ATP8A2: variants seen among roughly 807,000 people sequenced by gnomAD.
ATP8A2 encodes the protein ATPase phospholipid transporting 8A2, also known as phospholipid-transporting ATPase IB.
In ATP8A2, 100 loss-of-function variants were observed where a neutral mutation model predicts 165.6. The ratio of observed to expected loss-of-function variants is 0.60; its 90% CI spans 0.51 to 0.71. The LOEUF is 0.71. Ranked by LOEUF, ATP8A2 falls within the 30% of genes least tolerant of loss-of-function variation. The pLI, the probability that ATP8A2 is intolerant of heterozygous loss-of-function variation, is 0.00. For missense variants in ATP8A2, 1,227 were observed against 1,479.5 expected (o/e 0.83, Z 2.80); for synonymous variants, 543 against 548.8 (o/e 0.99, Z 0.15).
intron 32 of ATP8A2, among the ~76,000 whole-genome samples, chr13:25,861,976 A>G (rs74506195): frequency 0.013 from 1,909 of 152,310 alleles, 37 homozygotes; most frequent in African/African-American, 0.044. Context: ...CTTGTTGTAT[A>G]CAGCCGCAGG....
chr13:25,857,728 GCC>G (rs1952214794), intron 30 of ATP8A2, among the ~76,000 whole-genome samples: 1 of 151,816 alleles, frequency 6.6e-6, no homozygotes, highest in Non-Finnish European at 1.5e-5. Context: ...GTGCCATCAT[GCC>G]CAGTTAATTT....
intron 2 of ATP8A2, among the ~76,000 whole-genome samples, chr13:25,505,979 G>A (rs1314680881): frequency 6.6e-6 from 1 of 151,458 alleles, no homozygotes; most frequent in South Asian, 2.1e-4. Flanking sequence ...GTGTGGAAAG[G>A]TCAAGCAGCT....
At chr13:25,643,961 G>T (rs2041604931) in intron 24 of ATP8A2, among the ~76,000 whole-genome samples, 2 of 142,416 alleles carry the variant, frequency 1.4e-5, no homozygotes, top group African/African-American at 5.2e-5. Flanking sequence ...CAGTGTACAT[G>T]TCTTTCACCT....
At chr13:25,873,506 A>C (rs1198508822) in intron 33 of ATP8A2, among the ~76,000 whole-genome samples, 1 of 152,124 alleles carries the variant, frequency 6.6e-6, no homozygotes, top group Admixed American at 6.6e-5. Context: ...GTAAGTGACA[A>C]TTTCTAAGCA....
chr13:25,581,283 C>T (rs1433269450), intron 22 of ATP8A2, among the ~76,000 whole-genome samples: 3 of 152,172 alleles, frequency 2.0e-5, no homozygotes, highest in African/African-American at 7.2e-5. Flanking sequence ...CCATCCTCAG[C>T]ATGAGCTGAT....
intron 27 of ATP8A2, among the ~76,000 whole-genome samples, chr13:25,807,746 G>C (rs1950773389): frequency 6.6e-6 from 1 of 152,014 alleles, no homozygotes; most frequent in Admixed American, 6.6e-5. Context: ...ATTCCTACCT[G>C]TTTCTTTTTT....
At chr13:25,675,714 T>C (rs1350385452) in intron 24 of ATP8A2, among the ~76,000 whole-genome samples, 1 of 152,182 alleles carries the variant, frequency 6.6e-6, no homozygotes, top group East Asian at 1.9e-4. Flanking sequence ...GTGAACATGT[T>C]TGGAAGAGTA....
At chr13:25,481,619 C>T (rs1417318881) in intron 2 of ATP8A2, among the ~76,000 whole-genome samples, 1 of 152,230 alleles carries the variant, frequency 6.6e-6, no homozygotes, top group East Asian at 1.9e-4. Context: ...TGTATTAGCT[C>T]AGGCTGCCAT....
intron 27 of ATP8A2, among the ~76,000 whole-genome samples, chr13:25,813,546 A>G (rs1454706067): frequency 6.6e-6 from 1 of 152,108 alleles, no homozygotes; most frequent in Admixed American, 6.5e-5. Context: ...ACGGTATATG[A>G]TAGGATATGA....
At chr13:25,922,447 C>G (rs1347138347) in intron 33 of ATP8A2, among the ~76,000 whole-genome samples, 1 of 152,154 alleles carries the variant, frequency 6.6e-6, no homozygotes, top group African/African-American at 2.4e-5. Context: ...CAGTGAACCA[C>G]AAATAGAAGG....
chr13:25,553,588 A>G (rs2038888538), intron 11 of ATP8A2, among the ~76,000 whole-genome samples: 1 of 152,202 alleles, frequency 6.6e-6, no homozygotes, highest in South Asian at 2.1e-4. Flanking sequence ...GGTTCCCGCT[A>G]CGTCCTGTGA....
chr13:25,511,487 G>A (rs551305540), intron 2 of ATP8A2, among the ~76,000 whole-genome samples: 3 of 152,224 alleles, frequency 2.0e-5, no homozygotes, highest in East Asian at 3.9e-4. Flanking sequence ...AGTGGGGTGG[G>A]GGGTTGCTTT....
intron 33 of ATP8A2, among the ~76,000 whole-genome samples, chr13:25,878,028 A>T (rs1272925111): frequency 6.6e-6 from 1 of 152,228 alleles, no homozygotes; most frequent in Non-Finnish European, 1.5e-5. Flanking sequence ...AAATGTTATC[A>T]GTTTAACCCC....
intron 35 of ATP8A2, among the ~76,000 whole-genome samples, chr13:25,999,395 C>T (rs918449433): frequency 2.0e-5 from 3 of 152,114 alleles, no homozygotes; most frequent in African/African-American, 7.2e-5. Flanking sequence ...ACCTCAGAGG[C>T]GCTCACAGGC....
chr13:25,424,545 C>T (rs1034716182), intron 1 of ATP8A2, among the ~76,000 whole-genome samples: 5 of 152,176 alleles, frequency 3.3e-5, no homozygotes, highest in Admixed American at 1.3e-4. Flanking sequence ...CTGCTGTTAA[C>T]GCTTAATAGA....
intron 27 of ATP8A2, among the ~76,000 whole-genome samples, chr13:25,789,341 T>G (rs2045108640): frequency 6.6e-6 from 1 of 152,124 alleles, no homozygotes. Flanking sequence ...CTCTAGTGTT[T>G]AAACAAAACA....
chr13:25,747,162 T>C (rs2044050547), intron 25 of ATP8A2, among the ~76,000 whole-genome samples: 1 of 152,218 alleles, frequency 6.6e-6, no homozygotes, highest in Non-Finnish European at 1.5e-5. Flanking sequence ...ATAAGAAAAC[T>C]GGAAGGAGGG....
intron 1 of ATP8A2, among the ~76,000 whole-genome samples, chr13:25,429,955 T>C (rs1242806058): frequency 2.6e-5 from 4 of 152,114 alleles, no homozygotes; most frequent in Non-Finnish European, 4.4e-5. Context: ...GAGGAGGGGT[T>C]GGGCTTTTAG....
At chr13:25,395,853 CT>C (rs1166099039) in intron 1 of ATP8A2, among the ~76,000 whole-genome samples, 115 of 146,586 alleles carry the variant, frequency 7.8e-4, no homozygotes, top group Non-Finnish European at 6.5e-4. Context: ...ATTTTTCTTT[CT>C]TTTTTTTTTT....
Sources: gnomAD v4.1 joint callset for allele counts (sites outside exome capture counted in the v4.1 genomes callset) on GRCh38, gnomAD v4.1.1 for gene constraint, MANE v1.5 for transcripts, NCBI Gene and HGNC (gene_info 2026-07-23, HGNC 2026-07-21) for gene names.